Variants in KHDRBS1 observed in about 807,000 individuals in gnomAD.
KHDRBS1 encodes KH RNA binding domain containing, signal transduction associated 1.
In KHDRBS1, 7 loss-of-function variants were observed where a neutral mutation model predicts 48.4. The observed-to-expected ratio is 0.14, with a 90% CI of 0.08 to 0.27. The LOEUF (loss-of-function observed/expected upper bound fraction) is 0.27. Ranked by LOEUF, KHDRBS1 falls within the 10% of genes least tolerant of loss-of-function variation. The pLI is 1.00. For missense variants in KHDRBS1, 458 were observed against 601.2 expected, an observed-to-expected ratio of 0.76 and a Z score of 2.49; for synonymous variants, 241 against 235.8, an observed-to-expected ratio of 1.02 and a Z score of -0.20.
chr1:32,056,788 A>G (rs1427438394), intron 10 of KHDRBS1, among the ~76,000 whole-genome samples: 3 of 152,212 alleles, frequency 2.0e-5, no homozygotes, highest in African/African-American at 4.8e-5. Flanking sequence ...AAATCAGTAC[A>G]AATGTCTCCT....
rs1638993784 is a variant in KHDRBS1, at chr1:32,027,263, G to A, written c.383-3035G>A. Among the ~76,000 whole-genome samples, 8 of 152,182 alleles carry A rather than the reference G, an allele frequency of 5.3e-5. 1 individual carries two copies. The highest frequency in any genetic ancestry group is 5.2e-4 in the Admixed American group (8 of 15,274). On this transcript the variant is annotated intron_variant, in intron 1 of 8. Coordinates refer to ENST00000327300, the MANE Select transcript of KHDRBS1 (RefSeq NM_006559.3). ...ACATTATTAAAAGCTCCTTGGTGATGTTCTCAGATCAGAATTATGGCATCT... is the reference window on the plus strand; with the variant it reads ...ACATTATTAAAAGCTCCTTGGTGATATTCTCAGATCAGAATTATGGCATCT...
chr1:32,017,301 A>G (rs1315989353), intron 1 of KHDRBS1, among the ~76,000 whole-genome samples: 1 of 152,032 alleles, frequency 6.6e-6, no homozygotes, highest in Admixed American at 6.6e-5. Flanking sequence ...TAGATTTTGA[A>G]TGTAGACTTC....
At chr1:32,014,613 TC>T (rs2124349739) in intron 1 of KHDRBS1, among the ~76,000 whole-genome samples, 1 of 152,304 alleles carries the variant, frequency 6.6e-6, no homozygotes, top group East Asian at 1.9e-4. Context: ...AGCGCTAATG[TC>T]TTGATGGATA....
At chr1:32,017,937 A>G (rs898304238) in intron 1 of KHDRBS1, among the ~76,000 whole-genome samples, 1 of 152,090 alleles carries the variant, frequency 6.6e-6, no homozygotes, top group South Asian at 2.1e-4. Flanking sequence ...TTAGGGAAAT[A>G]CAAGTTAGTA....
At chr1:32,023,173 G>T (rs1638895699) in intron 1 of KHDRBS1, among the ~76,000 whole-genome samples, 1 of 152,112 alleles carries the variant, frequency 6.6e-6, no homozygotes, top group Admixed American at 6.6e-5. Context: ...AAGCAACGTG[G>T]AAGCTTATAG....
intron 10 of KHDRBS1, among the ~76,000 whole-genome samples, chr1:32,050,454 G>T (rs1349427537): frequency 1.3e-5 from 2 of 151,930 alleles, no homozygotes; most frequent in Non-Finnish European, 2.9e-5. Flanking sequence ...TCAAGGTCAG[G>T]ATTGTACCTG....
At position 32,042,510 on chromosome 1, in the gene KHDRBS1, C is replaced by A. The variant is rs1230786602; in HGVS notation, c.1235-17C>A. On this transcript the variant is annotated splice_polypyrimidine_tract_variant and intron_variant, in intron 8 of 8. Coordinates refer to ENST00000327300, the MANE Select transcript of KHDRBS1 (RefSeq NM_006559.3). ...TGTCGCCACATGGTTTATAAACTGT[C>A]TTTGTTTTCCCCACAGGCCAGGACG... is the stretch of plus-strand genomic sequence containing the variant. 2 of 1,587,806 alleles carry A rather than the reference C, an allele frequency of 1.3e-6. No homozygotes were observed. The highest frequency in any genetic ancestry group is 1.7e-6 in the Non-Finnish European group (2 of 1,156,530).
chr1:32,059,531 CTCTT>C (rs766930216), intron 10 of KHDRBS1, among the ~76,000 whole-genome samples: 68 of 149,616 alleles, frequency 4.5e-4, no homozygotes, highest in Middle Eastern at 3.4e-3. Flanking sequence ...CAAAGCAAGA[CTCTT>C]TCTTTAAAAA....
chr1:32,054,699 C>G (rs1310569000), intron 10 of KHDRBS1, among the ~76,000 whole-genome samples: 1 of 152,168 alleles, frequency 6.6e-6, no homozygotes, highest in African/African-American at 2.4e-5. Context: ...GCTTGTCCAG[C>G]CTATGGCCCG....
intron 10 of KHDRBS1, among the ~76,000 whole-genome samples, chr1:32,055,081 C>CTT (rs1639465442): frequency 6.6e-6 from 1 of 152,172 alleles, no homozygotes; most frequent in Non-Finnish European, 1.5e-5. Flanking sequence ...GATCAGCTTA[C>CTT]ACCAAAGTAG....
At chr1:32,040,768 G>A (rs1282206128) in intron 8 of KHDRBS1, among the ~76,000 whole-genome samples, 1 of 152,298 alleles carries the variant, frequency 6.6e-6, no homozygotes, top group African/African-American at 2.4e-5. Flanking sequence ...CTCAGCGATT[G>A]ACAGTTCACG....
chr1:32,027,934 G>A (rs1411398034), intron 1 of KHDRBS1, among the ~76,000 whole-genome samples: 2 of 152,092 alleles, frequency 1.3e-5, no homozygotes, highest in Non-Finnish European at 2.9e-5. Context: ...CCAACATGGT[G>A]AAACCCCATC....
downstream of KHDRBS1, among the ~76,000 whole-genome samples, chr1:32,045,730 T>C (rs1309374456): frequency 6.6e-6 from 1 of 152,224 alleles, no homozygotes; most frequent in Non-Finnish European, 1.5e-5. Context: ...AAGGGCTCAA[T>C]GTTCAGTGCG....
chr1:32,033,197 C>A lies in KHDRBS1; in HGVS notation c.634C>A (p.Leu212Met). The stretch of plus-strand genomic sequence containing the variant: ...CTGCATTTTTCCATAGGAGGAAGAG[C>A]TGCGCAAAGGTGGAGACCCCAAATA... ...SMRDKAKEEELRKGGDPKYAH... is the reference protein window; with the variant it reads ...SMRDKAKEEEMRKGGDPKYAH... Residue 212 changes from leucine to methionine, a missense_variant, in exon 4 of 9, where the codon CTG becomes ATG. Leu to Met is a conservative substitution (Grantham distance 15). Transcript: ENST00000327300. 1.9e-6 allele frequency: 3 copies of A among 1,613,432 alleles called. No homozygotes were observed. The highest frequency in any genetic ancestry group is 2.5e-6 in the Non-Finnish European group (3 of 1,179,372).
chr1:32,045,524 A>G (rs998623139), downstream of KHDRBS1: 8 of 152,550 alleles, frequency 5.2e-5, no homozygotes, highest in African/African-American at 1.4e-4. Context: ...TATTTACGAC[A>G]TGACCACACT....
chr1:32,048,442 C>G (rs1639380632), downstream of KHDRBS1, among the ~76,000 whole-genome samples: 1 of 152,138 alleles, frequency 6.6e-6, no homozygotes, highest in African/African-American at 2.4e-5. Flanking sequence ...TCGAGGAGTT[C>G]AAGGTTACAG....
chr1:32,049,205 G>A (rs374096289), intron 10 of KHDRBS1, among the ~76,000 whole-genome samples: 3 of 151,718 alleles, frequency 2.0e-5, no homozygotes, highest in South Asian at 2.1e-4. Flanking sequence ...ATAGGCACGC[G>A]CCTCCATGCC....
At chr1:32,019,886 C>G (rs768730924) in intron 1 of KHDRBS1, among the ~76,000 whole-genome samples, 11 of 152,102 alleles carry the variant, frequency 7.2e-5, no homozygotes, top group Admixed American at 2.6e-4. Context: ...GTTCTCCTGC[C>G]TCAGCCTCCC....
At position 32,043,595 on chromosome 1, in the gene KHDRBS1, T is replaced by G. The variant is rs1639320964; in HGVS notation, c.*971T>G. ...GACGCTGGGGCCAAAAGCTGTTGAT[T>G]TTCTTAAGTTGACGGTTGTCAATAT... is the stretch of plus-strand genomic sequence containing the variant. On this transcript the variant is annotated 3_prime_UTR_variant, in exon 9 of 9. Transcript: ENST00000327300. The G allele has an allele frequency of 6.6e-6, 1 of 152,644 alleles. No individual in the cohort carries two copies. Among genetic ancestry groups the G allele is most frequent in the Non-Finnish European group, 1.5e-5 (1 of 68,044 alleles). 9.5% of individuals were successfully genotyped at this position (152,644 alleles called of 1,614,324 possible).
Sources: allele counts gnomAD v4.1 joint callset (sites outside exome capture counted in the v4.1 genomes callset), GRCh38; gene constraint gnomAD v4.1.1; transcripts MANE v1.5; gene names NCBI Gene and HGNC (gene_info 2026-07-23, HGNC 2026-07-21).